Variants in EML1 observed in about 807,000 individuals in gnomAD.
EML1 encodes the protein EMAP like 1.
EML1 carries 27 observed loss-of-function variants against 110.4 expected under a neutral mutation model. The ratio of observed to expected loss-of-function variants is 0.24; its 90% CI spans 0.18 to 0.34. The LOEUF (loss-of-function observed/expected upper bound fraction) is 0.34, where lower values mean the gene tolerates loss of function less well. EML1 is among the 10% of genes least tolerant of loss of function. EML1 has a pLI of 1.00. For missense variants in EML1, 741 were observed against 1,030.9 expected, an observed-to-expected ratio of 0.72 and a Z score of 3.85; for synonymous variants, 344 against 385.8, an observed-to-expected ratio of 0.89 and a Z score of 1.27.
chr14:99,884,254 T>A (rs2059436948), intron 4 of EML1, among the ~76,000 whole-genome samples: 1 of 152,182 alleles, frequency 6.6e-6, no homozygotes, highest in Non-Finnish European at 1.5e-5. Context: ...GCAGGGCTTT[T>A]TTTCTTGGGG....
intron 4 of EML1, among the ~76,000 whole-genome samples, chr14:99,887,767 T>C (rs894959024): frequency 1.3e-5 from 2 of 152,230 alleles, no homozygotes; most frequent in African/African-American, 4.8e-5. Context: ...CTGTGCGTTC[T>C]GGAGAGATGC....
intron 1 of EML1, among the ~76,000 whole-genome samples, chr14:99,740,156 C>T (rs914012084): frequency 2.6e-5 from 4 of 152,172 alleles, no homozygotes; most frequent in African/African-American, 9.7e-5. Context: ...GTGTCCTGGA[C>T]ACACTGTTTT....
chr14:99,879,660 A>G (rs866299776), intron 4 of EML1, among the ~76,000 whole-genome samples: 1 of 152,238 alleles, frequency 6.6e-6, no homozygotes, highest in African/African-American at 2.4e-5. Context: ...TCTATTAACA[A>G]TTTAAAAAAC....
intron 8 of EML1, among the ~76,000 whole-genome samples, chr14:99,899,843 G>T (rs190789685): frequency 1.7e-3 from 259 of 152,010 alleles, no homozygotes; most frequent in Middle Eastern, 6.8e-3. Flanking sequence ...CGGTACTTTA[G>T]AACTAGAGAA....
At chr14:99,760,083 C>CAAAAAAAAAAAAAAAAAAAAAA (rs61619098) in intron 1 of EML1, among the ~76,000 whole-genome samples, 1 of 47,132 alleles carries the variant, frequency 2.1e-5, no homozygotes, top group African/African-American at 9.8e-5. Flanking sequence ...GACTCCCTCT[C>CAAAAAAAAAAAAAAAAAAAAAA]AAAAAAAAAA....
At chr14:99,792,947 C>A (rs1162312208), upstream of EML1, 1 of 152,100 alleles carries the variant, frequency 6.6e-6, no homozygotes, top group Non-Finnish European at 1.5e-5. Flanking sequence ...TGCCCGCGGG[C>A]GCGGGAACAG....
At chr14:99,840,740 T>C (rs2058619059) in intron 1 of EML1, among the ~76,000 whole-genome samples, 1 of 152,200 alleles carries the variant, frequency 6.6e-6, no homozygotes, top group Non-Finnish European at 1.5e-5. Flanking sequence ...TACTGGAAGA[T>C]TTACAGAGTC....
chr14:99,876,394 C>T (rs1442593863), intron 3 of EML1, among the ~76,000 whole-genome samples: 2 of 152,220 alleles, frequency 1.3e-5, no homozygotes, highest in African/African-American at 2.4e-5. Context: ...CTCCCCACTT[C>T]CCAGGGCTCA....
At chr14:99,892,653 G>C in intron 5 of EML1, among the ~76,000 whole-genome samples, 1 of 152,190 alleles carries the variant, frequency 6.6e-6, no homozygotes, top group Non-Finnish European at 1.5e-5. Flanking sequence ...CAGTGCCAAG[G>C]CTGACTTCAG....
At chr14:99,906,685 G>A (rs1230347296) in intron 9 of EML1, among the ~76,000 whole-genome samples, 1 of 152,154 alleles carries the variant, frequency 6.6e-6, no homozygotes, top group Admixed American at 6.5e-5. Context: ...GTAGGTCTCA[G>A]CCTTATTTTA....
At chr14:99,747,902 C>T (rs748951321) in intron 1 of EML1, among the ~76,000 whole-genome samples, 33 of 152,200 alleles carry the variant, frequency 2.2e-4, no homozygotes, top group Non-Finnish European at 3.2e-4. Flanking sequence ...GACTTTCTTC[C>T]TTTTCTTTCC....
In EML1 at chr14:99,781,252, G is replaced by A. The variant is rs1469106572; in HGVS notation, c.-27+7239G>A. The stretch of plus-strand genomic sequence containing the variant: ...CCCTCCTGACACCGCCCCCTCAGGT[G>A]GGTTTCCCGGTGCCTTTCTCCTCCC... On this transcript the variant is annotated intron_variant, in intron 1 of 22. Coordinates refer to the EML1 transcript ENST00000327921. This position sits in a 1 kb window ranked among gnomAD's most constrained non-coding sequence, Gnocchi z 4.2. Among the ~76,000 whole-genome samples, 1 of 152,030 alleles carries A rather than the reference G, an allele frequency of 6.6e-6. No homozygotes were observed. Among genetic ancestry groups the A allele is most frequent in the Non-Finnish European group, 1.5e-5 (1 of 68,010 alleles).
chr14:99,798,343 AAAG>A (rs1253601323), intron 1 of EML1, among the ~76,000 whole-genome samples: 1 of 151,976 alleles, frequency 6.6e-6, no homozygotes, highest in African/African-American at 2.4e-5. Context: ...TTTTCTACAC[AAAG>A]AAGATTAGAA....
At chr14:99,937,054 G>C (rs34780399) in intron 19 of EML1, among the ~76,000 whole-genome samples, 4,972 of 152,296 alleles carry the variant, frequency 0.033, 97 homozygotes, top group Admixed American at 0.049. Context: ...TTGGCCGCAT[G>C]ATGCAGGGAA....
chr14:99,807,470 G>A (rs1054045488), intron 1 of EML1, among the ~76,000 whole-genome samples: 2 of 152,212 alleles, frequency 1.3e-5, no homozygotes, highest in African/African-American at 4.8e-5. Flanking sequence ...GAAGGTTGGT[G>A]CAAGGTATAG....
At chr14:99,749,108 G>C (rs920683521) in intron 1 of EML1, among the ~76,000 whole-genome samples, 1 of 152,180 alleles carries the variant, frequency 6.6e-6, no homozygotes, top group Non-Finnish European at 1.5e-5. Flanking sequence ...GATGAGTAAC[G>C]CTGCTATGAA....
chr14:99,874,870 C>T, intron 3 of EML1: 3 of 1,484,440 alleles, frequency 2.0e-6, no homozygotes, highest in South Asian at 1.3e-5. Flanking sequence ...AATACTTTTC[C>T]ACGCTTTTAT....
intron 3 of EML1, among the ~76,000 whole-genome samples, chr14:99,869,949 A>G (rs773641269): frequency 6.6e-6 from 1 of 152,222 alleles, no homozygotes; most frequent in Admixed American, 6.5e-5. Flanking sequence ...CTTCCTGGAC[A>G]GCCTGCAGAA....
chr14:99,762,354 G>A (rs1384866869), intron 1 of EML1, among the ~76,000 whole-genome samples: 4 of 114,496 alleles, frequency 3.5e-5, no homozygotes, highest in African/African-American at 5.4e-5. Flanking sequence ...CCAGCCCCCT[G>A]AACAAGAAAC....
Sources: gnomAD v4.1 joint callset for allele counts (sites outside exome capture counted in the v4.1 genomes callset) on GRCh38, gnomAD v4.1.1 for gene constraint, Gnocchi (gnomAD v3.1) non-coding constraint, MANE v1.5 for transcripts, NCBI Gene and HGNC (gene_info 2026-07-23, HGNC 2026-07-21) for gene names.